The following PHF21A variants were observed in gnomAD, a reference collection of about 807,000 sequenced individuals.
The protein encoded by PHF21A is PHD finger protein 21A.
Under a neutral mutation model 82.5 loss-of-function variants are expected in PHF21A, and 11 were observed. The ratio of observed to expected loss-of-function variants is 0.13; its 90% CI spans 0.08 to 0.22. The LOEUF is 0.22. Ranked by LOEUF, PHF21A falls within the 10% of genes least tolerant of loss-of-function variation. The pLI, the probability that PHF21A is intolerant of heterozygous loss-of-function variation, is 1.00. For synonymous variants in PHF21A, 297 were observed against 302.8 expected, an observed-to-expected ratio of 0.98 and a Z score of 0.20; for missense variants, 579 against 837.8, an observed-to-expected ratio of 0.69 and a Z score of 3.81.
chr11:46,036,874 TA>T lies in PHF21A; in HGVS notation c.153+39879del, dbSNP rs937860218. Among the ~76,000 whole-genome samples, 8 of 152,140 alleles carry T rather than the reference TA, an allele frequency of 5.3e-5. No individual in the cohort carries two copies. In the South Asian group the frequency reaches 6.2e-4, roughly 12 times the overall value. ...TTGTTTAAATAGCATTTTTTATGTT[TA>T]AAAAAAATTTTTTTTGTAGAGATGA... On this transcript the variant is annotated intron_variant, in intron 6 of 18. Transcript: ENST00000676320.
intron 1 of PHF21A, among the ~76,000 whole-genome samples, chr11:46,103,924 T>G (rs1035394257): frequency 6.6e-6 from 1 of 152,184 alleles, no homozygotes; most frequent in Non-Finnish European, 1.5e-5. Flanking sequence ...CTAATGGATA[T>G]ATTAACTCAA....
chr11:46,016,264 CA>C (rs1208496511), intron 6 of PHF21A, among the ~76,000 whole-genome samples: 1 of 152,144 alleles, frequency 6.6e-6, no homozygotes, highest in Non-Finnish European at 1.5e-5. Flanking sequence ...CAATCTTTCT[CA>C]AAAAGGGATA....
chr11:45,942,826 G>A (rs900876059), intron 15 of PHF21A, among the ~76,000 whole-genome samples: 2 of 152,120 alleles, frequency 1.3e-5, no homozygotes, highest in African/African-American at 4.8e-5. Flanking sequence ...TCAAGTTCAA[G>A]GGACATTTTA....
intron 6 of PHF21A, among the ~76,000 whole-genome samples, chr11:46,011,275 G>A (rs569828064): frequency 1.3e-5 from 2 of 152,292 alleles, no homozygotes; most frequent in Admixed American, 6.5e-5. Flanking sequence ...GATCACCTGA[G>A]GTCAGGAGTT....
intron 1 of PHF21A, among the ~76,000 whole-genome samples, chr11:46,104,637 T>C (rs896680040): frequency 4.6e-5 from 7 of 152,182 alleles, no homozygotes; most frequent in Non-Finnish European, 7.3e-5. Flanking sequence ...ATTTACTCTT[T>C]TCCCATGAAC....
At chr11:46,097,227 G>A (rs758354504) in intron 1 of PHF21A, among the ~76,000 whole-genome samples, 2 of 152,096 alleles carry the variant, frequency 1.3e-5, no homozygotes, top group African/African-American at 4.8e-5. Flanking sequence ...ATCCAAGACA[G>A]ATCTTGTTAC....
At position 45,931,334 on chromosome 11, in the gene PHF21A, G is replaced by C. The variant is rs1476145142; in HGVS notation, c.*2634C>G. The stretch of plus-strand genomic sequence containing the variant: ...AAGTTGAGGGGAAGAGCTCTAGACA[G>C]GGCAGACAGCCTGCTGCTGGTCTCT... On this transcript the variant is annotated 3_prime_UTR_variant, in exon 19 of 19. Transcript: ENST00000676320. 6.6e-6 allele frequency: 1 copy of C among 152,254 alleles called. No homozygotes were observed. Among genetic ancestry groups the C allele is most frequent in the African/African-American group, 2.4e-5 (1 of 41,454 alleles). The allele number at this position is 152,254 out of a possible 1,614,324, so 9.4% of individuals were successfully genotyped here.
chr11:46,018,602 C>T (rs2137718975), intron 6 of PHF21A, among the ~76,000 whole-genome samples: 1 of 152,308 alleles, frequency 6.6e-6, no homozygotes, highest in South Asian at 2.1e-4. Flanking sequence ...TCCCACTAAC[C>T]TATTTGACTC....
At chr11:45,993,151 GA>G (rs2094775955) in intron 6 of PHF21A, among the ~76,000 whole-genome samples, 1 of 152,046 alleles carries the variant, frequency 6.6e-6, no homozygotes, top group African/African-American at 2.4e-5. Flanking sequence ...ACATGATTAA[GA>G]AAAAACAATT....
intron 15 of PHF21A, among the ~76,000 whole-genome samples, chr11:45,942,311 C>T (rs1356973936): frequency 1.3e-5 from 2 of 152,036 alleles, no homozygotes; most frequent in Non-Finnish European, 1.5e-5. Context: ...AACCATAATC[C>T]CAATTGACCC....
chr11:46,114,450 G>A (rs1566070762), intron 1 of PHF21A, among the ~76,000 whole-genome samples: 1 of 152,202 alleles, frequency 6.6e-6, no homozygotes, highest in Admixed American at 6.5e-5. Flanking sequence ...AACAAGGAAA[G>A]ATAAGCTGGC....
intron 1 of PHF21A, among the ~76,000 whole-genome samples, chr11:46,102,496 T>C (rs1205017969): frequency 6.6e-6 from 1 of 152,214 alleles, no homozygotes; most frequent in Non-Finnish European, 1.5e-5. Flanking sequence ...TCTTCTCAAT[T>C]AATAAATCAA....
intron 6 of PHF21A, among the ~76,000 whole-genome samples, chr11:46,039,633 G>A (rs1236570178): frequency 2.0e-5 from 3 of 152,114 alleles, no homozygotes; most frequent in Non-Finnish European, 2.9e-5. Context: ...AAGCAGGAGA[G>A]GAATAGGCTC....
intron 15 of PHF21A, among the ~76,000 whole-genome samples, chr11:45,945,038 C>T (rs1361683905): frequency 6.6e-6 from 1 of 152,226 alleles, no homozygotes; most frequent in Non-Finnish European, 1.5e-5. Flanking sequence ...GTTGGGATTA[C>T]AGGCATAAGC....
At chr11:46,079,663 C>T (rs1246173154) in intron 4 of PHF21A, among the ~76,000 whole-genome samples, 1 of 152,078 alleles carries the variant, frequency 6.6e-6, no homozygotes, top group Non-Finnish European at 1.5e-5. Flanking sequence ...AGAAGGAGTT[C>T]GGTGCAGGGG....
Position 46,121,046 on chromosome 11 carries a change from A to G in PHF21A, c.-348T>C. 1 of 155,096 alleles carries G rather than the reference A, an allele frequency of 6.4e-6. No individual in the cohort carries two copies. 9.6% of individuals were successfully genotyped at this position (155,096 alleles called of 1,614,324 possible). On this transcript the variant is annotated 5_prime_UTR_variant, in exon 1 of 19. Transcript: ENST00000676320. ...TCTTCTTCATGGGGAGGGAGGGAAG[A>G]AGCTGGAGCTGCTGCTGCTGCTTCT...
intron 6 of PHF21A, among the ~76,000 whole-genome samples, chr11:46,001,771 TC>T (rs755607284): frequency 6.6e-6 from 1 of 152,190 alleles, no homozygotes; most frequent in Non-Finnish European, 1.5e-5. Context: ...GGGCTGTCAC[TC>T]GTACTAGAAA....
intron 10 of PHF21A, among the ~76,000 whole-genome samples, chr11:45,963,148 G>C (rs754888300): frequency 2.0e-5 from 3 of 151,930 alleles, no homozygotes; most frequent in Non-Finnish European, 4.4e-5. Flanking sequence ...GGCCGGGTGC[G>C]GTGGCTCACA....
intron 6 of PHF21A, among the ~76,000 whole-genome samples, chr11:46,028,983 A>C (rs1306080412): frequency 2.0e-5 from 3 of 152,170 alleles, no homozygotes; most frequent in African/African-American, 7.2e-5. Context: ...ATCCTCTTTC[A>C]TTTCTATTGG....
Sources: allele counts gnomAD v4.1 joint callset (sites outside exome capture counted in the v4.1 genomes callset), GRCh38; gene constraint gnomAD v4.1.1; transcripts MANE v1.5; gene names NCBI Gene and HGNC (gene_info 2026-07-23, HGNC 2026-07-21).